The following OPCML variants were observed in gnomAD, a reference collection of about 807,000 sequenced individuals.
OPCML encodes the protein opioid binding protein/cell adhesion molecule like, also known as opioid-binding protein/cell adhesion molecule.
In OPCML, 13 loss-of-function variants were observed where a neutral mutation model predicts 37.8. That is an observed-to-expected ratio of 0.34 (90% CI 0.22 to 0.55). OPCML has a LOEUF of 0.55. Ranked by LOEUF, OPCML falls within the 20% of genes least tolerant of loss-of-function variation. The pLI, the probability that OPCML is intolerant of heterozygous loss-of-function variation, is 0.91. For synonymous variants in OPCML, 176 were observed against 168.8 expected (o/e 1.04, Z -0.33); for missense variants, 341 against 435.6 (o/e 0.78, Z 1.93).
At chr11:133,202,119 G>T (rs180772796) in intron 1 of OPCML, among the ~76,000 whole-genome samples, 1 of 152,118 alleles carries the variant, frequency 6.6e-6, no homozygotes, top group Non-Finnish European at 1.5e-5. Context: ...ACAAAGATCC[G>T]GGAATGATTT....
chr11:132,559,167 G>A (rs1264065050), intron 3 of OPCML, among the ~76,000 whole-genome samples: 1 of 151,998 alleles, frequency 6.6e-6, no homozygotes, highest in Non-Finnish European at 1.5e-5. Context: ...GCAAGAAGGG[G>A]AGGGGAAAGA....
chr11:133,526,853 T>G (rs1259909042), intron 1 of OPCML, among the ~76,000 whole-genome samples: 1 of 151,512 alleles, frequency 6.6e-6, no homozygotes, highest in Non-Finnish European at 1.5e-5. Context: ...TCAGAAGGAG[T>G]GGGAGAGCAG....
chr11:133,140,667 AAAAGAAG>A (rs5795823), intron 1 of OPCML, among the ~76,000 whole-genome samples: 5 of 140,136 alleles, frequency 3.6e-5, no homozygotes, highest in African/African-American at 1.0e-4. Context: ...AGAAAAGAAG[AAAAGAAG>A]AAAGAAGAAA....
intron 2 of OPCML, among the ~76,000 whole-genome samples, chr11:132,705,622 T>A (rs1944001074): frequency 6.6e-6 from 1 of 152,002 alleles, no homozygotes; most frequent in Non-Finnish European, 1.5e-5. Context: ...ATAAAAATTG[T>A]ACGGCAATTC....
Position 132,682,243 on chromosome 11 carries a change from A to G in OPCML, c.147-24924T>C, listed in dbSNP as rs1301309556. On this transcript the variant is annotated intron_variant, in intron 2 of 7. Coordinates refer to ENST00000524381, the MANE Select transcript of OPCML (RefSeq NM_001012393.5). ...AGGCACCCTCGTCATGAGGCCTGGG[A>G]AGGCGTCAGGGAAAATTTCCTGTTT... Among the ~76,000 whole-genome samples, 6 of 152,266 alleles carry G rather than the reference A, an allele frequency of 3.9e-5. No homozygotes were observed. In the South Asian group the frequency reaches 6.2e-4, roughly 16 times the overall value.
intron 1 of OPCML, among the ~76,000 whole-genome samples, chr11:133,167,695 G>A (rs1381527389): frequency 6.6e-6 from 1 of 151,982 alleles, no homozygotes; most frequent in African/African-American, 2.4e-5. Context: ...GATCTCAAGG[G>A]TATGCTGGAG....
rs544318068 is a variant in OPCML, at chr11:133,453,299, C to T, written c.61+78965G>A. On this transcript the variant is annotated intron_variant, in intron 1 of 7. Transcript: ENST00000524381. ...AATGAGGTTCTGTTCTAAATAAATA[C>T]GTGCATTTTAAAAACCCATTTATCT... 5.9e-5 allele frequency among the ~76,000 whole-genome samples: 9 copies of T among 152,226 alleles called. No individual in the cohort carries two copies. The South Asian group carries it at 1.9e-3, about 32-fold the overall frequency.
At chr11:133,396,816 C>A (rs1945296179) in intron 1 of OPCML, among the ~76,000 whole-genome samples, 2 of 152,136 alleles carry the variant, frequency 1.3e-5, no homozygotes, top group South Asian at 4.1e-4. Context: ...ATATCACCTC[C>A]TTTATAAAAC....
intron 1 of OPCML, among the ~76,000 whole-genome samples, chr11:133,397,512 A>G (rs542756751): frequency 3.3e-5 from 5 of 152,346 alleles, no homozygotes; most frequent in Admixed American, 2.6e-4. Flanking sequence ...GCATAAGTCA[A>G]AGCAGAGATC....
chr11:133,140,325 A>C (rs574830498), intron 1 of OPCML, among the ~76,000 whole-genome samples: 280 of 149,978 alleles, frequency 1.9e-3, no homozygotes, highest in Non-Finnish European at 2.9e-3. Flanking sequence ...CAGCCTAGCC[A>C]ATGTGGTGAA....
intron 1 of OPCML, among the ~76,000 whole-genome samples, chr11:133,152,308 C>G (rs185459683): frequency 6.6e-6 from 1 of 152,180 alleles, no homozygotes; most frequent in Non-Finnish European, 1.5e-5. Context: ...TTTTGTGATG[C>G]TTATCAACAG....
At chr11:133,478,429 G>C (rs1947291470) in intron 1 of OPCML, among the ~76,000 whole-genome samples, 1 of 152,182 alleles carries the variant, frequency 6.6e-6, no homozygotes, top group Non-Finnish European at 1.5e-5. Flanking sequence ...AGAGAACAGG[G>C]ACCATCTGTG....
chr11:132,423,991 C>G (rs1264490608), intron 7 of OPCML, among the ~76,000 whole-genome samples: 1 of 152,156 alleles, frequency 6.6e-6, no homozygotes. Flanking sequence ...TCTCCAGGTA[C>G]TTGGTACCCA....
At chr11:132,780,388 T>C (rs1182225627) in intron 2 of OPCML, among the ~76,000 whole-genome samples, 3 of 152,204 alleles carry the variant, frequency 2.0e-5, no homozygotes, top group African/African-American at 7.2e-5. Flanking sequence ...TTCAAGGGCT[T>C]CTCACCTTAG....
chr11:132,966,637 A>C (rs7924650), intron 1 of OPCML, among the ~76,000 whole-genome samples: 1,593 of 152,232 alleles, frequency 0.01, 24 homozygotes, highest in African/African-American at 0.033. Context: ...TATATTATTA[A>C]GAATGAAGTA....
chr11:132,967,870 T>C (rs1050948358), intron 1 of OPCML, among the ~76,000 whole-genome samples: 2 of 152,182 alleles, frequency 1.3e-5, no homozygotes, highest in African/African-American at 4.8e-5. Context: ...TGTCTTTATT[T>C]CACCTTCATT....
intron 2 of OPCML, among the ~76,000 whole-genome samples, chr11:132,823,778 C>T (rs557765791): frequency 6.6e-6 from 1 of 152,256 alleles, no homozygotes; most frequent in Non-Finnish European, 1.5e-5. Context: ...CTCTGCCTCT[C>T]CACTGAAATG....
At chr11:132,914,107 G>A (rs1944525210) in intron 2 of OPCML, among the ~76,000 whole-genome samples, 1 of 152,184 alleles carries the variant, frequency 6.6e-6, no homozygotes, top group African/African-American at 2.4e-5. Flanking sequence ...CTGCTGCGAG[G>A]AGGTAAGAGG....
At chr11:133,134,688 G>A (rs1173684769) in intron 1 of OPCML, among the ~76,000 whole-genome samples, 2 of 152,142 alleles carry the variant, frequency 1.3e-5, no homozygotes, top group African/African-American at 2.4e-5. Context: ...GAACTCTTGC[G>A]TGAACCCTGC....
Sources: allele counts gnomAD v4.1 joint callset (sites outside exome capture counted in the v4.1 genomes callset), GRCh38; gene constraint gnomAD v4.1.1; transcripts MANE v1.5; gene names NCBI Gene and HGNC (gene_info 2026-07-23, HGNC 2026-07-21).